The following GNL2 variants were observed in gnomAD, a reference collection of about 807,000 sequenced individuals.
GNL2 encodes the protein nucleolar GTP-binding protein 2.
GNL2 carries 51 observed loss-of-function variants against 92.3 expected under a neutral mutation model. That is an observed-to-expected ratio of 0.55 (90% CI 0.44 to 0.70). The LOEUF is 0.70. GNL2 is among the 30% of genes least tolerant of loss of function. GNL2 has a pLI of 0.00. For missense variants in GNL2, 844 were observed against 895.6 expected, an observed-to-expected ratio of 0.94 and a Z score of 0.74; for synonymous variants, 283 against 300.6, an observed-to-expected ratio of 0.94 and a Z score of 0.61.
intron 12 of GNL2, chr1:37,570,911 G>A (rs1643584430): frequency 6.6e-6 from 1 of 152,160 alleles, no homozygotes; most frequent in South Asian, 2.1e-4. Flanking sequence ...TGTTTCACAT[G>A]TATAATATCA....
rs757041864 is a variant in GNL2, at chr1:37,568,981, ACT to A, written c.1736_1737del (p.Glu579ValfsTer6). On this transcript the variant is annotated frameshift_variant, in exon 13 of 16. Coordinates refer to ENST00000373062, the MANE Select transcript of GNL2 (RefSeq NM_013285.3). LOFTEE classifies it high-confidence loss of function. ...EQEQQRDDAE[E>X]SSSEPEEENV... ...TTTTCCTCCTCAGGCTCCGAGGAAG[ACT>A]CTTCCGCATCATCTCTTTGTTGCTC... 3 of 1,613,800 alleles carry A rather than the reference ACT, an allele frequency of 1.9e-6. No individual in the cohort carries two copies. In the African/African-American group the frequency reaches 4.0e-5, roughly 22 times the overall value.
intron 3 of GNL2, among the ~76,000 whole-genome samples, chr1:37,591,546 C>A (rs1643887787): frequency 6.8e-6 from 1 of 147,828 alleles, no homozygotes; most frequent in Non-Finnish European, 1.5e-5. Context: ...CACTCTGTCA[C>A]CCAGGCTGGA....
chr1:37,591,457 C>T (rs1643886869), intron 3 of GNL2, among the ~76,000 whole-genome samples: 1 of 151,732 alleles, frequency 6.6e-6, no homozygotes, highest in Non-Finnish European at 1.5e-5. Flanking sequence ...TTATATTATA[C>T]TCACTATTTG....
At chr1:37,594,524 A>G (rs1643909618) in intron 1 of GNL2, among the ~76,000 whole-genome samples, 1 of 152,048 alleles carries the variant, frequency 6.6e-6, no homozygotes, top group Non-Finnish European at 1.5e-5. Context: ...TTATTTACCT[A>G]TTTATTCATT....
At position 37,576,416 on chromosome 1, in the gene GNL2, C is replaced by T. The variant is rs534836182; in HGVS notation, c.1038+12G>A. ...AATATGCAAAAGTAAGGTCACCCTG[C>T]GCCCAACGTACCTTTGTTTCACCTG... On this transcript the variant is annotated intron_variant, in intron 9 of 15. Transcript: ENST00000373062. The T allele has an allele frequency of 4.5e-5, 72 of 1,611,044 alleles. No individual in the cohort carries two copies. Among genetic ancestry groups the T allele is most frequent in the African/African-American group, 1.6e-4 (12 of 74,968 alleles).
chr1:37,568,970 C>A lies in GNL2; in HGVS notation c.1749G>T (p.Glu583Asp). The A allele has an allele frequency of 6.2e-7, 1 of 1,613,512 alleles. No individual in the cohort carries two copies. Among genetic ancestry groups the A allele is most frequent in the South Asian group, 1.1e-5 (1 of 91,078 alleles). ...QRDDAEESSS[E>D]PEEENVGNDT... ...CGTTTCCCACATTTTCCTCCTCAGG[C>A]TCCGAGGAAGACTCTTCCGCATCAT... Residue 583 changes from glutamate (E) to aspartate (D), a missense_variant, in exon 13 of 16, where the codon GAG (glutamate) becomes GAT (aspartate). Transcript: ENST00000373062.
At chr1:37,578,258 G>A (rs1643709243) in intron 8 of GNL2, among the ~76,000 whole-genome samples, 1 of 151,988 alleles carries the variant, frequency 6.6e-6, no homozygotes, top group Non-Finnish European at 1.5e-5. Context: ...GGCCAACATG[G>A]TGAAACCCCA....
chr1:37,594,037 C>T (rs1234429323), intron 1 of GNL2, 191 bp from the exon 2 acceptor site: 1 of 544,778 alleles, frequency 1.8e-6, no homozygotes, highest in African/African-American at 1.9e-5. Flanking sequence ...AAAGCTGACC[C>T]AATCTTTGAT....
In GNL2 at chr1:37,574,473, AG is replaced by A; in HGVS notation, c.1303-18del. On this transcript the variant is annotated intron_variant, in intron 11 of 15. Transcript: ENST00000373062. ...CTCTCCACCCTGAAAGGTCACAAAG[AG>A]ATTCCCAATTAAATTCAAAGGACCA... 1.3e-6 allele frequency: 2 copies of A among 1,597,984 alleles called. No individual in the cohort carries two copies. Among genetic ancestry groups the A allele is most frequent in the South Asian group, 2.2e-5 (2 of 90,536 alleles).
In GNL2 at chr1:37,567,710, T is replaced by C; in HGVS notation, c.2006A>G (p.His669Arg). The C allele has an allele frequency of 1.2e-6, 2 of 1,613,974 alleles. No individual in the cohort carries two copies. The highest frequency in any genetic ancestry group is 2.2e-5 in the South Asian group (2 of 91,080). The change falls in exon 15 of 16, where the codon CAT becomes CGT. Residue 669 changes from histidine (H) to arginine (R), a missense_variant. Coordinates refer to ENST00000373062, the MANE Select transcript of GNL2 (RefSeq NM_013285.3). ...AAGCGCCCTGGGAGCTTTATTTGAA[T>C]GTTCCTGTTCCTCTTCCCTTTGTGC... The part of the protein sequence containing the change: ...RKAQREEEQE[H>R]SNKAPRALTS...
In GNL2 at chr1:37,592,730, G is replaced by T; in HGVS notation, c.226C>A (p.Pro76Thr). ...TACTCACCAAACCATTTAATATTTG[G>T]CTCTACTCTTGCCACTGTGCCAGAA... Reference protein sequence around the residue: ...VASGTVARVEPNIKWFGNTRV... With the variant: ...VASGTVARVETNIKWFGNTRV... The change falls in exon 3 of 16, where the codon CCA becomes ACA. Residue 76 changes from proline (P) to threonine (T), a missense_variant. Transcript: ENST00000373062. 1.3e-6 allele frequency: 2 copies of T among 1,586,606 alleles called. No individual in the cohort carries two copies. Among genetic ancestry groups the T allele is most frequent in the Non-Finnish European group, 1.7e-6 (2 of 1,154,986 alleles).
intron 9 of GNL2, chr1:37,576,208 C>T (rs943085848): frequency 1.0e-5 from 5 of 478,388 alleles, no homozygotes; most frequent in Non-Finnish European, 1.5e-5. Context: ...ATCACATTAA[C>T]TAACACAGGC....
intron 3 of GNL2, 110 bp from the exon 4 acceptor site, chr1:37,590,955 G>T: frequency 1.1e-6 from 1 of 920,372 alleles, no homozygotes; most frequent in South Asian, 1.7e-5. Context: ...CCAAGCACCT[G>T]ATCCATCCAT....
chr1:37,584,960 T>C (rs1046560429), intron 5 of GNL2, among the ~76,000 whole-genome samples: 2 of 151,024 alleles, frequency 1.3e-5, no homozygotes, highest in African/African-American at 4.9e-5. Context: ...CGGGCACCTG[T>C]AATCCCAGCC....
intron 5 of GNL2, 151 bp from the exon 6 acceptor site, chr1:37,584,084 G>A: frequency 1.6e-6 from 1 of 633,538 alleles, no homozygotes; most frequent in Non-Finnish European, 2.8e-6. Context: ...GTGCCCAAAT[G>A]TCTGTCAACA....
rs186543210 is a variant in GNL2 at position 37,576,577 on chromosome 1, C to T, written c.910-21G>A. ...TGCAACTGTTCAAAGAGAGAATACA[C>T]AGCACATACATGCAGTCATATATAT... On this transcript the variant is annotated intron_variant, in intron 8 of 15. Coordinates refer to ENST00000373062, the MANE Select transcript of GNL2 (RefSeq NM_013285.3). 7 of 1,610,642 alleles carry T rather than the reference C, an allele frequency of 4.3e-6. No homozygotes were observed. The Admixed American group carries it at 5.1e-5, about 12-fold the overall frequency.
chr1:37,579,724 C>T (rs181690120), intron 8 of GNL2, among the ~76,000 whole-genome samples: 134 of 151,226 alleles, frequency 8.9e-4, no homozygotes, highest in African/African-American at 3.1e-3. Flanking sequence ...GGTGAAAACC[C>T]GTCTCTACTA....
In GNL2 at chr1:37,566,982, C is replaced by T. The variant is rs372906788; in HGVS notation, c.2069G>A (p.Arg690Gln). 1.2e-4 allele frequency: 195 copies of T among 1,613,602 alleles called. No homozygotes were observed. The highest frequency in any genetic ancestry group is 1.4e-4 in the Non-Finnish European group (168 of 1,179,918). Residue 690 changes from arginine to glutamine, a missense_variant, in exon 16 of 16, where the codon CGG (arginine) becomes CAG (glutamine). By Grantham distance (43) the Arg-to-Gln change is conservative. Transcript: ENST00000373062. ...KERRRAVRQQRPKKVGVRYYE... is the reference protein window; with the variant it reads ...KERRRAVRQQQPKKVGVRYYE... The stretch of plus-strand genomic sequence containing the variant: ...GTAGCGCACACCAACTTTTTTCGGC[C>T]GTTGCTGTCGTACTGCTCGCCTCCG...
At chr1:37,587,058 C>G (rs932891396) in intron 5 of GNL2, among the ~76,000 whole-genome samples, 7 of 151,968 alleles carry the variant, frequency 4.6e-5, no homozygotes, top group Non-Finnish European at 1.0e-4. Flanking sequence ...CCTGAGCTCA[C>G]GAGTTCAAGA....
Sources: gnomAD v4.1 joint callset for allele counts (sites outside exome capture counted in the v4.1 genomes callset) on GRCh38, gnomAD v4.1.1 for gene constraint, MANE v1.5 for transcripts, NCBI Gene and HGNC (gene_info 2026-07-23, HGNC 2026-07-21) for gene names.